The following RBFOX1 variants were observed in gnomAD, a reference collection of about 807,000 sequenced individuals.
The protein encoded by RBFOX1 is RNA binding protein fox-1 homolog 1.
In RBFOX1, 8 loss-of-function variants were observed where a neutral mutation model predicts 57.7. That is an observed-to-expected ratio of 0.14 (90% CI 0.08 to 0.25). The LOEUF (loss-of-function observed/expected upper bound fraction) is 0.25. Ranked by LOEUF, RBFOX1 falls within the 10% of genes least tolerant of loss-of-function variation. RBFOX1 has a pLI of 1.00. For missense variants in RBFOX1, 611 were observed against 548.5 expected (o/e 1.11, Z -1.14); for synonymous variants, 326 against 222.4 (o/e 1.47, Z -4.15).
chr16:6,684,285 G>C (rs868045935), intron 3 of RBFOX1, among the ~76,000 whole-genome samples: 1 of 152,196 alleles, frequency 6.6e-6, no homozygotes, highest in Non-Finnish European at 1.5e-5. Context: ...ATAAAGAAAA[G>C]CTCCCAGGCG....
At chr16:7,091,035 C>G (rs1159537404) in intron 4 of RBFOX1, among the ~76,000 whole-genome samples, 1 of 152,188 alleles carries the variant, frequency 6.6e-6, no homozygotes, top group African/African-American at 2.4e-5. Flanking sequence ...AAACAGGATA[C>G]AAATTCCTCT....
intron 4 of RBFOX1, among the ~76,000 whole-genome samples, chr16:7,108,122 A>G (rs1411891751): frequency 6.6e-6 from 1 of 152,146 alleles, no homozygotes; most frequent in South Asian, 2.1e-4. Flanking sequence ...ATTTTCAGCT[A>G]ATTAGCATAA....
intron 2 of RBFOX1, among the ~76,000 whole-genome samples, chr16:6,334,019 G>T (rs1311349545): frequency 1.3e-5 from 2 of 152,102 alleles, no homozygotes; most frequent in Non-Finnish European, 2.9e-5. Flanking sequence ...GAAACAGAAT[G>T]ACTAGACTCC....
intron 1 of RBFOX1, among the ~76,000 whole-genome samples, chr16:6,127,284 T>TA (rs1277656888): frequency 0.07 from 10,246 of 145,694 alleles, 594 homozygotes; most frequent in African/African-American, 0.16. Context: ...TCTCTTTTTT[T>TA]AAAAAAAAAA....
At chr16:7,671,523 G>A (rs1294256283) in intron 13 of RBFOX1, 1 of 1,557,302 alleles carries the variant, frequency 6.4e-7, no homozygotes, top group Non-Finnish European at 8.8e-7. Flanking sequence ...TTTCATTTTT[G>A]CATTGAAAAC....
intron 3 of RBFOX1, among the ~76,000 whole-genome samples, chr16:5,674,916 G>A (rs1195457786): frequency 6.6e-6 from 1 of 152,140 alleles, no homozygotes; most frequent in African/African-American, 2.4e-5. Context: ...GAAGGCTGAG[G>A]CAGGAGGATT....
At chr16:6,737,271 C>G (rs1018615624) in intron 3 of RBFOX1, among the ~76,000 whole-genome samples, 4 of 152,132 alleles carry the variant, frequency 2.6e-5, no homozygotes, top group African/African-American at 7.2e-5. Context: ...TTTCTTCTGA[C>G]AAAAGTTCAC....
intron 2 of RBFOX1, among the ~76,000 whole-genome samples, chr16:6,592,969 G>T (rs1357096265): frequency 6.6e-6 from 1 of 152,102 alleles, no homozygotes. Flanking sequence ...GAGGCAAGCG[G>T]ATCATCTGAG....
intron 4 of RBFOX1, among the ~76,000 whole-genome samples, chr16:5,967,421 G>A (rs937092431): frequency 6.6e-6 from 1 of 151,826 alleles, no homozygotes; most frequent in African/African-American, 2.4e-5. Flanking sequence ...TTCTTAACCC[G>A]GTATTGGAAT....
intron 3 of RBFOX1, among the ~76,000 whole-genome samples, chr16:6,902,111 T>A (rs4786126): frequency 0.79 from 120,024 of 151,988 alleles, 48,145 homozygotes; most frequent in East Asian, 0.93. Flanking sequence ...ATCAGGTGTC[T>A]TACTTGAAAC....
intron 3 of RBFOX1, among the ~76,000 whole-genome samples, chr16:5,695,655 G>C (rs547557674): frequency 1.3e-5 from 2 of 152,252 alleles, no homozygotes; most frequent in East Asian, 3.9e-4. Flanking sequence ...GACGTGGTTT[G>C]GCTGAAAAGA....
chr16:6,273,340 G>GTTTTT (rs544640090), intron 1 of RBFOX1, among the ~76,000 whole-genome samples: 3 of 89,894 alleles, frequency 3.3e-5, no homozygotes, highest in South Asian at 4.6e-4. Flanking sequence ...GTTGTTGTTG[G>GTTTTT]TTTTTTTTTT....
At chr16:6,835,288 T>G (rs943129388) in intron 3 of RBFOX1, among the ~76,000 whole-genome samples, 1 of 152,186 alleles carries the variant, frequency 6.6e-6, no homozygotes, top group Non-Finnish European at 1.5e-5. Context: ...GTTCCCTTTC[T>G]GCATCTTTGT....
At chr16:6,956,621 C>T (rs554814545) in intron 3 of RBFOX1, among the ~76,000 whole-genome samples, 5 of 152,262 alleles carry the variant, frequency 3.3e-5, no homozygotes, top group South Asian at 2.1e-4. Flanking sequence ...ATCCACAGCC[C>T]GTCTTCCCTT....
chr16:6,898,824 C>T (rs1179742435), intron 3 of RBFOX1, among the ~76,000 whole-genome samples: 9 of 150,614 alleles, frequency 6.0e-5, no homozygotes, highest in Non-Finnish European at 1.0e-4. Flanking sequence ...GTGTATAATA[C>T]ATGTGTGTAT....
At chr16:5,909,403 T>TA (rs1157525051) in intron 4 of RBFOX1, among the ~76,000 whole-genome samples, 3 of 151,912 alleles carry the variant, frequency 2.0e-5, no homozygotes, top group South Asian at 2.1e-4. Context: ...AAGCCCTTTC[T>TA]AAAAAAAATA....
At chr16:6,038,880 C>T (rs1455869165) in intron 1 of RBFOX1, 1 of 150,620 alleles carries the variant, frequency 6.6e-6, no homozygotes, top group African/African-American at 2.4e-5. Flanking sequence ...TTTAAATACG[C>T]AGTGATTCTA....
At chr16:6,594,545 T>C (rs760919506) in intron 2 of RBFOX1, among the ~76,000 whole-genome samples, 25 of 152,072 alleles carry the variant, frequency 1.6e-4, no homozygotes, top group Non-Finnish European at 2.8e-4. Flanking sequence ...CCAGGAAAAG[T>C]CAAGAATCTA....
At chr16:6,922,747 C>G (rs1460830336) in intron 3 of RBFOX1, among the ~76,000 whole-genome samples, 1 of 152,080 alleles carries the variant, frequency 6.6e-6, no homozygotes, top group Non-Finnish European at 1.5e-5. Flanking sequence ...TAAACATTTT[C>G]CAGTAATTTC....
Sources: gnomAD v4.1 joint callset for allele counts (sites outside exome capture counted in the v4.1 genomes callset) on GRCh38, gnomAD v4.1.1 for gene constraint, MANE v1.5 for transcripts, NCBI Gene and HGNC (gene_info 2026-07-23, HGNC 2026-07-21) for gene names.